The following LIMK2 variants were observed in gnomAD, a reference collection of about 807,000 sequenced individuals.
LIMK2 encodes LIM domain kinase 2.
A neutral mutation model predicts 75.7 loss-of-function variants in LIMK2; 35 were observed. The ratio of observed to expected loss-of-function variants is 0.46; its 90% CI spans 0.35 to 0.61. The LOEUF (loss-of-function observed/expected upper bound fraction) is 0.61. Among genes scored for constraint, LIMK2 ranks in the 20% least tolerant of loss-of-function variants. LIMK2 has a pLI of 0.00. For synonymous variants in LIMK2, 301 were observed against 319.2 expected, an observed-to-expected ratio of 0.94 and a Z score of 0.61; for missense variants, 623 against 831.0, an observed-to-expected ratio of 0.75 and a Z score of 3.08.
At chr22:31,265,154 G>A (rs540816147) in intron 7 of LIMK2, among the ~76,000 whole-genome samples, 95 of 124,424 alleles carry the variant, frequency 7.6e-4, no homozygotes, top group Admixed American at 1.4e-3. Context: ...AGATCCCGCC[G>A]TTGCACTCCA....
intron 3 of LIMK2, chr22:31,258,739 T>C: frequency 2.5e-6 from 1 of 392,454 alleles, no homozygotes; most frequent in South Asian, 3.5e-5. Flanking sequence ...TAGGTTGTCT[T>C]TAGGGAATCA....
At chr22:31,275,421 A>G in intron 15 of LIMK2, 113 bp downstream of exon 15, 2 of 1,055,608 alleles carry the variant, frequency 1.9e-6, no homozygotes, top group Non-Finnish European at 2.7e-6. Context: ...CTTGAGGTCA[A>G]GAATGTGGCT....
In LIMK2 at chr22:31,260,759, T is replaced by C. The variant is rs2048830051; in HGVS notation, c.551+682T>C. Among the ~76,000 whole-genome samples, 3 of 152,186 alleles carry C rather than the reference T, an allele frequency of 2.0e-5. No individual in the cohort carries two copies. The South Asian group carries it at 6.2e-4, about 31-fold the overall frequency. ...GCTAAGGTCTGTTCTACAACCTTATTAGATGAAGAGGAGAGGGAATTGTGT... is the reference window on the plus strand; with the variant it reads ...GCTAAGGTCTGTTCTACAACCTTATCAGATGAAGAGGAGAGGGAATTGTGT... On this transcript the variant is annotated intron_variant, in intron 5 of 15. Coordinates refer to ENST00000331728, the MANE Select transcript of LIMK2 (RefSeq NM_005569.4).
chr22:31,273,715 T>A (rs2048982657), intron 14 of LIMK2, among the ~76,000 whole-genome samples: 1 of 152,208 alleles, frequency 6.6e-6, no homozygotes, highest in Non-Finnish European at 1.5e-5. Context: ...TTTTTTTGTT[T>A]TAGATGGAGC....
At chr22:31,273,577 G>A in intron 14 of LIMK2, 70 bp downstream of exon 14, 1 of 1,249,110 alleles carries the variant, frequency 8.0e-7, no homozygotes. Context: ...CGGAACTGGG[G>A]CATCTCCTCC....
At chr22:31,239,949 G>C (rs188291824) in intron 2 of LIMK2, among the ~76,000 whole-genome samples, 3 of 152,160 alleles carry the variant, frequency 2.0e-5, no homozygotes, top group African/African-American at 7.2e-5. Context: ...AACTTATGTA[G>C]ACTAAGACCT....
intron 4 of LIMK2, 79 bp downstream of exon 4, chr22:31,259,309 CAGA>C: frequency 1.2e-6 from 1 of 826,110 alleles, no homozygotes; most frequent in South Asian, 1.4e-5. Flanking sequence ...GTGAGTTGGG[CAGA>C]AGGAGTGTTA....
At chr22:31,253,946 C>G (rs2048751396) in intron 2 of LIMK2, among the ~76,000 whole-genome samples, 1 of 152,214 alleles carries the variant, frequency 6.6e-6, no homozygotes, top group Admixed American at 6.5e-5. Context: ...CAGTTGTGTT[C>G]TGTGGCAAAA....
intron 5 of LIMK2, 76 bp downstream of exon 5, chr22:31,260,153 C>A: frequency 8.2e-7 from 1 of 1,224,534 alleles, no homozygotes; most frequent in Non-Finnish European, 1.1e-6. Flanking sequence ...CTTAGACCTC[C>A]AAAGTCTCAT....
chr22:31,269,608 A>C (rs1305265200), intron 11 of LIMK2, among the ~76,000 whole-genome samples: 3 of 151,888 alleles, frequency 2.0e-5, no homozygotes, highest in African/African-American at 7.3e-5. Flanking sequence ...TTTCTACTAA[A>C]GAAAAAAATG....
intron 2 of LIMK2, among the ~76,000 whole-genome samples, chr22:31,226,522 G>T (rs1179859834): frequency 1.3e-5 from 2 of 152,374 alleles, no homozygotes; most frequent in Non-Finnish European, 1.5e-5. Context: ...TTTTAGTGTG[G>T]TTGGCAGAGC....
intron 14 of LIMK2, among the ~76,000 whole-genome samples, chr22:31,274,609 C>T (rs1003570738): frequency 6.6e-6 from 1 of 152,158 alleles, no homozygotes; most frequent in African/African-American, 2.4e-5. Context: ...CCATATTGGC[C>T]AGGCTGGTCT....
chr22:31,277,592 G>A, intron 15 of LIMK2: 1 of 957,634 alleles, frequency 1.0e-6, no homozygotes, highest in Non-Finnish European at 1.2e-6. Context: ...AATACCTCTT[G>A]TCATTCTAAA....
rs1200017777 is a variant in LIMK2, at chr22:31,266,120, G to T, written c.1029G>T (p.Gly343=). The change falls in exon 8 of 16, where the codon GGG becomes GGT. Residue 343 remains glycine, a synonymous_variant. Transcript: ENST00000331728. ...HGEVLGKGFF[G]QAIKVTHKAT... Reference sequence around the variant, plus strand: ...AGGTCCTGGGGAAGGGCTTCTTTGGGCAGGCTATCAAGGTGAGCGCAGGCA... The same window carrying T: ...AGGTCCTGGGGAAGGGCTTCTTTGGTCAGGCTATCAAGGTGAGCGCAGGCA... 6.2e-7 allele frequency: 1 copy of T among 1,614,184 alleles called. No individual in the cohort carries two copies. The highest frequency in any genetic ancestry group is 1.1e-5 in the South Asian group (1 of 91,076).
chr22:31,252,542 T>TA (rs5844940), intron 2 of LIMK2, among the ~76,000 whole-genome samples: 92,277 of 138,216 alleles, frequency 0.67, 31,013 homozygotes, highest in African/African-American at 0.73. Flanking sequence ...CTCTGTCTCT[T>TA]AAAAAAAAAA....
In LIMK2 at chr22:31,267,001, G is replaced by A. The variant is rs369835364; in HGVS notation, c.1059G>A (p.Thr353=). The change falls in exon 9 of 16, where the codon ACG becomes ACA. Residue 353 remains threonine (T), a synonymous_variant. Transcript: ENST00000331728. ...CCCTGTAGGTGACACACAAAGCCAC[G>A]GGCAAAGTGATGGTCATGAAAGAGT... is the stretch of plus-strand genomic sequence containing the variant. ...GQAIKVTHKA[T]GKVMVMKELI... is the part of the protein sequence containing the mutation. 46 of 1,609,210 alleles carry A rather than the reference G, an allele frequency of 2.9e-5. No homozygotes were observed. In the Middle Eastern group the frequency reaches 4.9e-4, roughly 17 times the overall value.
intron 1 of LIMK2, among the ~76,000 whole-genome samples, chr22:31,225,164 C>T (rs922968091): frequency 6.6e-6 from 1 of 152,122 alleles, no homozygotes; most frequent in African/African-American, 2.4e-5. Flanking sequence ...AAAATTGGCC[C>T]CTGGTGCCAA....
Position 31,268,153 on chromosome 22 carries a change from C to T in LIMK2, c.1270C>T (p.Pro424Ser), listed in dbSNP as rs1311218047. The T allele has an allele frequency of 6.2e-7, 1 of 1,613,940 alleles. No homozygotes were observed. The highest frequency in any genetic ancestry group is 2.2e-5 in the East Asian group (1 of 44,896). The change falls in exon 11 of 16, where the codon CCC becomes TCC. Residue 424 changes from proline (P) to serine (S), a missense_variant. This residue lies in a region of LIMK2 where 514 missense variants were observed against 661.3 expected (regional missense o/e 0.78). Coordinates refer to ENST00000331728, the MANE Select transcript of LIMK2 (RefSeq NM_005569.4). ...KDFLRSMDPF[P>S]WQQKVRFAKG... The stretch of plus-strand genomic sequence containing the variant: ...ATTCCCCATTCTGCAGGATCCGTTC[C>T]CCTGGCAGCAGAAGGTCAGGTTTGC...
At position 31,267,805 on chromosome 22, in the gene LIMK2, C is replaced by T. The variant is rs1182933843; in HGVS notation, c.1158C>T (p.Pro386=). 5 of 1,610,950 alleles carry T rather than the reference C, an allele frequency of 3.1e-6. No individual in the cohort carries two copies. Among genetic ancestry groups the T allele is most frequent in the Non-Finnish European group, 4.2e-6 (5 of 1,178,858 alleles). Residue 386 remains proline (P), a synonymous_variant, in exon 10 of 16, where the codon CCC becomes CCT. Coordinates refer to ENST00000331728, the MANE Select transcript of LIMK2 (RefSeq NM_005569.4). ...EVKVMRSLDH[P]NVLKFIGVLY... ...AAGTGATGCGCAGCCTGGACCACCC[C>T]AATGTGCTCAAGTTCATTGGTGTGC...
Sources: gnomAD v4.1 joint callset for allele counts (sites outside exome capture counted in the v4.1 genomes callset) on GRCh38, gnomAD v4.1.1 for gene constraint, gnomAD v4.1.1 regional missense constraint, MANE v1.5 for transcripts, NCBI Gene and HGNC (gene_info 2026-07-23, HGNC 2026-07-21) for gene names.